POLR1E: variants seen among roughly 807,000 people sequenced by gnomAD.
The protein encoded by POLR1E is RNA polymerase I subunit E.
In POLR1E, 37 loss-of-function variants were observed where a neutral mutation model predicts 50.9. That is an observed-to-expected ratio of 0.73 (90% CI 0.56 to 0.96). The LOEUF (loss-of-function observed/expected upper bound fraction) is 0.96. Ranked by LOEUF, POLR1E falls within the 40% of genes least tolerant of loss-of-function variation. The pLI, the probability that POLR1E is intolerant of heterozygous loss-of-function variation, is 0.00. For synonymous variants in POLR1E, 166 were observed against 191.6 expected (o/e 0.87, Z 1.10); for missense variants, 426 against 518.1 (o/e 0.82, Z 1.73).
chr9:37,487,541 T>C (rs1820601633), intron 2 of POLR1E, among the ~76,000 whole-genome samples: 1 of 152,186 alleles, frequency 6.6e-6, no homozygotes, highest in Non-Finnish European at 1.5e-5. Context: ...GCTTACAGAA[T>C]CACTTTGTTG....
chr9:37,502,805 T>C (rs556259506), intron 11 of POLR1E, among the ~76,000 whole-genome samples: 2 of 152,090 alleles, frequency 1.3e-5, no homozygotes, highest in African/African-American at 4.8e-5. Context: ...GATACCCTGG[T>C]TTTTCATCAC....
intron 1 of POLR1E, 78 bp from the exon 2 acceptor site, chr9:37,486,625 G>C: frequency 6.2e-7 from 1 of 1,614,134 alleles, no homozygotes; most frequent in Admixed American, 1.7e-5. Flanking sequence ...CCCAGTGACA[G>C]TCTAGTCCCA....
intron 6 of POLR1E, among the ~76,000 whole-genome samples, chr9:37,494,070 G>A (rs1204224355): frequency 6.6e-6 from 1 of 152,246 alleles, no homozygotes; most frequent in African/African-American, 2.4e-5. Flanking sequence ...TGAGCCTCCA[G>A]AGGTGGCATT....
chr9:37,500,959 G>C (rs1820877541), intron 10 of POLR1E, 38 bp downstream of exon 10: 2 of 1,552,144 alleles, frequency 1.3e-6, no homozygotes, highest in African/African-American at 2.7e-5. Context: ...TTGTGCAGGA[G>C]AAAGTAGGTG....
Position 37,493,738 on chromosome 9 carries a change from A to G in POLR1E, c.547+35A>G, listed in dbSNP as rs111845089. 1.2e-3 allele frequency: 1,653 copies of G among 1,435,398 alleles called. 17 individuals carry two copies. In the African/African-American group the frequency reaches 0.021, roughly 19 times the overall value. 88.9% of individuals were successfully genotyped at this position (1,435,398 alleles called of 1,614,324 possible). A position where few individuals can be genotyped will look rare whatever the true frequency, so the allele number is the denominator to read the frequency against. ...TGGAACTTGGGCTAAGAGTCTGCCC[A>G]TAATGACAGCTTTCTCTTCTCTTGA... On this transcript the variant is annotated intron_variant, in intron 6 of 11. Transcript: ENST00000377798.
Position 37,486,004 on chromosome 9 carries a change from C to G in POLR1E, c.-44C>G. On this transcript the variant is annotated 5_prime_UTR_variant, in exon 1 of 12. Coordinates refer to ENST00000377798, the MANE Select transcript of POLR1E (RefSeq NM_022490.4). ...CGCGTGTTTAAAAGTGCGCTTGTGG[C>G]TGCTGCTGTCTTAACTCCTGTGCTT... 2 of 1,575,908 alleles carry G rather than the reference C, an allele frequency of 1.3e-6. No individual in the cohort carries two copies. Among genetic ancestry groups the G allele is most frequent in the Non-Finnish European group, 1.7e-6 (2 of 1,161,842 alleles).
At chr9:37,492,212 T>C (rs2119004918) in intron 4 of POLR1E, 2 of 1,266,236 alleles carry the variant, frequency 1.6e-6, no homozygotes, top group Non-Finnish European at 2.1e-6. Flanking sequence ...CTGCCCTTAT[T>C]TGAGTACTTT....
At chr9:37,487,532 CTT>C (rs1215853683) in intron 2 of POLR1E, among the ~76,000 whole-genome samples, 1 of 152,208 alleles carries the variant, frequency 6.6e-6, no homozygotes, top group Admixed American at 6.5e-5. Context: ...AGAGAGATTG[CTT>C]ACAGAATCAC....
At chr9:37,491,465 AAT>A (rs1491555029) in intron 4 of POLR1E, among the ~76,000 whole-genome samples, 1 of 139,272 alleles carries the variant, frequency 7.2e-6, no homozygotes, top group East Asian at 2.0e-4. Context: ...TTTTATACAT[AAT>A]TTTTTTTTTT....
rs190907198 is a variant in POLR1E, at chr9:37,489,308, T to C, written c.258-7T>C. 151 of 1,584,080 alleles carry C rather than the reference T, an allele frequency of 9.5e-5. No individual in the cohort carries two copies. Among genetic ancestry groups the C allele is most frequent in the Non-Finnish European group, 4.6e-5 (54 of 1,165,100 alleles). ...ATTGTTATTTGTATTATTTCTTCTT[T>C]ATTCAGGCACTTTGTGGGAATTTTG... is the stretch of plus-strand genomic sequence containing the variant. On this transcript the variant is annotated splice_region_variant and splice_polypyrimidine_tract_variant and intron_variant, in intron 3 of 11. Coordinates refer to ENST00000377798, the MANE Select transcript of POLR1E (RefSeq NM_022490.4).
Position 37,499,414 on chromosome 9 carries a change from GA to G in POLR1E, c.886+1197del, listed in dbSNP as rs974705681. Among the ~76,000 whole-genome samples, 10 of 152,254 alleles carry G rather than the reference GA, an allele frequency of 6.6e-5. No homozygotes were observed. The Middle Eastern group carries it at 0.01, about 155-fold the overall frequency. On this transcript the variant is annotated intron_variant, in intron 9 of 11. Coordinates refer to ENST00000377798, the MANE Select transcript of POLR1E (RefSeq NM_022490.4). Reference sequence around the variant, plus strand: ...CCTCGGTGACAGCAAGACCCTGTGTGAAAAAAATCTTATGGGACCACTGTCA... The same window carrying G: ...CCTCGGTGACAGCAAGACCCTGTGTGAAAAAATCTTATGGGACCACTGTCA...
chr9:37,491,804 A>G (rs1463747627), intron 4 of POLR1E, among the ~76,000 whole-genome samples: 1 of 152,136 alleles, frequency 6.6e-6, no homozygotes, highest in Non-Finnish European at 1.5e-5. Flanking sequence ...GAGTCCGGAC[A>G]CCCATCTGTG....
At chr9:37,486,502 C>G in intron 1 of POLR1E, 1 of 1,554,572 alleles carries the variant, frequency 6.4e-7, no homozygotes, top group Non-Finnish European at 8.7e-7. Context: ...CACAGCCCCT[C>G]CCCAGGGTTC....
chr9:37,494,123 G>A (rs1339194314), intron 6 of POLR1E, among the ~76,000 whole-genome samples: 1 of 152,136 alleles, frequency 6.6e-6, no homozygotes, highest in Non-Finnish European at 1.5e-5. Flanking sequence ...TTCAGCAGCT[G>A]GAGTATTTAA....
intron 8 of POLR1E, among the ~76,000 whole-genome samples, chr9:37,497,295 C>T (rs141109185): frequency 0.064 from 9,686 of 152,296 alleles, 1,023 homozygotes; most frequent in African/African-American, 0.22. Flanking sequence ...GCGGAGGTTG[C>T]GGTGAGCCAA....
intron 4 of POLR1E, 70 bp downstream of exon 4, chr9:37,489,470 T>A: frequency 9.7e-7 from 1 of 1,035,592 alleles, no homozygotes. Flanking sequence ...TTGGCTTGAG[T>A]TTTAGATTTA....
intron 4 of POLR1E, chr9:37,490,368 A>G (rs1234523229): frequency 4.8e-6 from 3 of 623,726 alleles, no homozygotes; most frequent in East Asian, 2.9e-5. Flanking sequence ...ACTTCTACTC[A>G]ATGAAGAGAA....
chr9:37,499,262 T>C lies in POLR1E; in HGVS notation c.886+1038T>C, dbSNP rs536267404. ...GGGCAACATACCAAGACACTGTCTC[T>C]ACACAAAAATAAAAACATTAGCTGG... On this transcript the variant is annotated intron_variant, in intron 9 of 11. Transcript: ENST00000377798. 1.3e-3 allele frequency among the ~76,000 whole-genome samples: 192 copies of C among 152,260 alleles called. 1 individual carries two copies. The South Asian group carries it at 0.039, about 31-fold the overall frequency.
intron 3 of POLR1E, among the ~76,000 whole-genome samples, chr9:37,488,838 C>T (rs1347310804): frequency 6.6e-6 from 1 of 151,642 alleles, no homozygotes; most frequent in Admixed American, 6.6e-5. Flanking sequence ...TATTCCCTCT[C>T]TATGCAGAGA....
Sources: gnomAD v4.1 joint callset for allele counts (sites outside exome capture counted in the v4.1 genomes callset) on GRCh38, gnomAD v4.1.1 for gene constraint, MANE v1.5 for transcripts, NCBI Gene and HGNC (gene_info 2026-07-23, HGNC 2026-07-21) for gene names.